Variants in KRT9 observed in about 807,000 individuals in gnomAD.
The protein encoded by KRT9 is keratin 9, also known as keratin, type I cytoskeletal 9.
In KRT9, 34 loss-of-function variants were observed where a neutral mutation model predicts 51.4. The ratio of observed to expected loss-of-function variants is 0.66; its 90% CI spans 0.50 to 0.88. The LOEUF (loss-of-function observed/expected upper bound fraction) is 0.88, where lower values mean the gene tolerates loss of function less well. KRT9 is among the 40% of genes least tolerant of loss of function. The pLI is 0.00. For synonymous variants in KRT9, 292 were observed against 289.7 expected (o/e 1.01, Z -0.08); for missense variants, 753 against 790.3 (o/e 0.95, Z 0.57).
chr17:41,567,726 A>T lies in KRT9; in HGVS notation c.1419T>A (p.Ile473=). Residue 473 remains isoleucine, a synonymous_variant, in exon 7 of 8, where the codon ATT becomes ATA. Transcript: ENST00000246662. ...EDFESSGAGK[I]GLGGRGGSGG... is the part of the protein sequence containing the mutation. ...CACTTCCTCCTCGACCTCCAAGGCC[A>T]ATTTTTCCAGCTCCGGAGGATTCAC... 1 of 1,614,216 alleles carries T rather than the reference A, an allele frequency of 6.2e-7. No homozygotes were observed. Among genetic ancestry groups the T allele is most frequent in the Non-Finnish European group, 8.5e-7 (1 of 1,180,042 alleles).
intron 3 of KRT9, 38 bp from the exon 4 acceptor site, chr17:41,569,625 G>T: frequency 1.9e-6 from 3 of 1,610,956 alleles, no homozygotes; most frequent in Non-Finnish European, 2.5e-6. Flanking sequence ...CACGGATAAA[G>T]TCCTCTGCAC....
chr17:41,567,787 G>C, intron 6 of KRT9, 37 bp from the exon 7 acceptor site: 2 of 1,613,370 alleles, frequency 1.2e-6, no homozygotes, highest in Non-Finnish European at 1.7e-6. Flanking sequence ...TAAAATGAGC[G>C]GCCCCCATAC....
rs757614483 is a variant in KRT9 at position 41,570,173 on chromosome 17, G to A, written c.690C>T (p.Asp230=). Residue 230 remains aspartate, a synonymous_variant, in exon 2 of 8, where the codon GAC becomes GAT. Transcript: ENST00000246662. The part of the protein sequence containing the change: ...VGNNKTLLDI[D]NTRMTLDDFR... ...AGTCATCCAGTGTCATGCGAGTGTT[G>A]TCAATGTCCAGGAGAGTTTTGTTGT... is the stretch of plus-strand genomic sequence containing the variant. 1.2e-6 allele frequency: 2 copies of A among 1,614,126 alleles called. No individual in the cohort carries two copies. Among genetic ancestry groups the A allele is most frequent in the Admixed American group, 3.3e-5 (2 of 60,028 alleles).
At chr17:41,566,972 C>T (rs1399303427) in intron 7 of KRT9, among the ~76,000 whole-genome samples, 1 of 152,162 alleles carries the variant, frequency 6.6e-6, no homozygotes, top group Non-Finnish European at 1.5e-5. Context: ...TAGCGTGTGT[C>T]ATGATAATGC....
In KRT9 at chr17:41,571,638, A is replaced by T; in HGVS notation, c.355T>A (p.Ser119Thr). ...TAGCCACCACCAAAGCCACCTCCAG[A>T]ACCACCACCAAAGCCACCTCCAAAA... Reference protein sequence around the residue: ...GGFGGGFGGGSGGGFGGGYGS... With the variant: ...GGFGGGFGGGTGGGFGGGYGS... Residue 119 changes from serine (S) to threonine (T), a missense_variant, in exon 1 of 8, where the codon TCT becomes ACT. Ser to Thr is a moderately conservative substitution (Grantham distance 58, BLOSUM62 1). Coordinates refer to ENST00000246662, the MANE Select transcript of KRT9 (RefSeq NM_000226.4). The T allele has an allele frequency of 6.2e-7, 1 of 1,604,540 alleles. No individual in the cohort carries two copies. The highest frequency in any genetic ancestry group is 8.5e-7 in the Non-Finnish European group (1 of 1,175,298).
intron 7 of KRT9, 148 bp downstream of exon 7, chr17:41,567,085 C>T: frequency 1.5e-6 from 2 of 1,334,876 alleles, no homozygotes; most frequent in South Asian, 1.4e-5. Flanking sequence ...AATTCAGAAC[C>T]AAGGGTAGGT....
Position 41,571,933 on chromosome 17 carries a change from G to C in KRT9, c.60C>G (p.Gly20=), listed in dbSNP as rs765454147. ...TTATGCTGCCCCCGCTGCCCAGGCCGCCCCCGCCACCCCCGCCGCTGCGGC... is the reference window on the plus strand; with the variant it reads ...TTATGCTGCCCCCGCTGCCCAGGCCCCCCCCGCCACCCCCGCCGCTGCGGC... ...YLSRSGGGGG[G]GLGSGGSIRS... is the part of the protein sequence containing the mutation. The change falls in exon 1 of 8, where the codon GGC becomes GGG. Residue 20 remains glycine, a synonymous_variant. Coordinates refer to ENST00000246662, the MANE Select transcript of KRT9 (RefSeq NM_000226.4). The C allele has an allele frequency of 6.3e-7, 1 of 1,576,878 alleles. No homozygotes were observed. Among genetic ancestry groups the C allele is most frequent in the Non-Finnish European group, 8.6e-7 (1 of 1,162,002 alleles).
chr17:41,569,753 G>T, intron 3 of KRT9, 106 bp downstream of exon 3: 2 of 1,516,172 alleles, frequency 1.3e-6, no homozygotes, highest in Non-Finnish European at 9.1e-7. Flanking sequence ...GTGTCCTCAA[G>T]AGCAAAGGAG....
At chr17:41,568,017 C>T (rs1906936059) in intron 6 of KRT9, 145 bp downstream of exon 6, 3 of 941,006 alleles carry the variant, frequency 3.2e-6, no homozygotes, top group Non-Finnish European at 4.7e-6. Flanking sequence ...CACTGAGGTC[C>T]CCCCGGCCCC....
At chr17:41,568,717 A>G in intron 4 of KRT9, 84 bp from the exon 5 acceptor site, 1 of 1,563,044 alleles carries the variant, frequency 6.4e-7, no homozygotes, top group Non-Finnish European at 8.8e-7. Context: ...CAGGATCTTC[A>G]CCTCCAGGGC....
Position 41,571,944 on chromosome 17 carries a change from C to T in KRT9, c.49G>A (p.Gly17Ser), listed in dbSNP as rs1907106036. 1.3e-6 allele frequency: 2 copies of T among 1,580,836 alleles called. No individual in the cohort carries two copies. The highest frequency in any genetic ancestry group is 1.7e-6 in the Non-Finnish European group (2 of 1,163,906). ...SSSYLSRSGG[G>S]GGGGLGSGGS... Reference sequence around the variant, plus strand: ...CCGCTGCCCAGGCCGCCCCCGCCACCCCCGCCGCTGCGGCTCAAGTAGGAC... The same window carrying T: ...CCGCTGCCCAGGCCGCCCCCGCCACTCCCGCCGCTGCGGCTCAAGTAGGAC... The change falls in exon 1 of 8, where the codon GGT becomes AGT. Residue 17 changes from glycine (G) to serine (S), a missense_variant. Around this residue, in one of 3 missense-constraint regions of KRT9, gnomAD observed 241 missense variants for 210.3 expected, o/e 1.15. Coordinates refer to ENST00000246662, the MANE Select transcript of KRT9 (RefSeq NM_000226.4).
At chr17:41,568,084 G>A (rs560183814) in intron 6 of KRT9, 78 bp downstream of exon 6, 1 of 1,276,586 alleles carries the variant, frequency 7.8e-7, no homozygotes, top group South Asian at 1.2e-5. Context: ...TCCCCCAGCT[G>A]CCTCTATCCA....
chr17:41,569,813 T>G (rs1567732318), intron 3 of KRT9, 46 bp downstream of exon 3: 1 of 1,611,616 alleles, frequency 6.2e-7, no homozygotes, highest in Non-Finnish European at 8.5e-7. Flanking sequence ...TCTCTGCATT[T>G]CTGCTCCTCC....
At chr17:41,570,451 G>A (rs1018680604) in intron 1 of KRT9, among the ~76,000 whole-genome samples, 1 of 152,164 alleles carries the variant, frequency 6.6e-6, no homozygotes, top group African/African-American at 2.4e-5. Flanking sequence ...TACTGCAAAG[G>A]GCATTGTAGG....
Position 41,568,507 on chromosome 17 carries a change from C to T in KRT9, c.1170+1G>A, listed in dbSNP as rs1177731501. The T allele has an allele frequency of 5.0e-6, 8 of 1,614,078 alleles. No individual in the cohort carries two copies. Among genetic ancestry groups the T allele is most frequent in the Non-Finnish European group, 6.8e-6 (8 of 1,180,044 alleles). On this transcript the variant is annotated splice_donor_variant, in intron 5 of 7. Coordinates refer to ENST00000246662, the MANE Select transcript of KRT9 (RefSeq NM_000226.4). LOFTEE classifies it high-confidence loss of function. ...AAAGGGTCTATAGCAGAACTACCAA[C>T]CTTGCTGAGCTGAGACTGCAGCTCA...
chr17:41,567,173 C>CAA (rs11313278), intron 7 of KRT9, 60 bp downstream of exon 7: 2,460 of 1,432,080 alleles, frequency 1.7e-3, no homozygotes, highest in Middle Eastern at 4.3e-3. Flanking sequence ...CAAAAATACT[C>CAA]AAAAAAAAAA....
chr17:41,569,409 C>T lies in KRT9; in HGVS notation c.1044+17G>A. On this transcript the variant is annotated intron_variant, in intron 4 of 7. Coordinates refer to ENST00000246662, the MANE Select transcript of KRT9 (RefSeq NM_000226.4). The stretch of plus-strand genomic sequence containing the variant: ...GATGGAGGGGAGGAGGATGAATGGG[C>T]AGCCCACTCTGCTCACCTGAGTCTC... 1 of 1,612,336 alleles carries T rather than the reference C, an allele frequency of 6.2e-7. No individual in the cohort carries two copies. Among genetic ancestry groups the T allele is most frequent in the Non-Finnish European group, 8.5e-7 (1 of 1,179,098 alleles).
chr17:41,570,063 T>A (rs758965678), intron 2 of KRT9, 48 bp from the exon 3 acceptor site: 1 of 1,613,514 alleles, frequency 6.2e-7, no homozygotes. Flanking sequence ...AACCAGGCCC[T>A]ACCAGGACCT....
chr17:41,570,157 G>A lies in KRT9; in HGVS notation c.706C>T (p.Leu236=), dbSNP rs1907031457. The change falls in exon 2 of 8, where the codon CTG becomes TTG. Residue 236 remains leucine (L), a synonymous_variant. Transcript: ENST00000246662. Reference sequence around the variant, plus strand: ...ACTCACTTTATCCTGAAGTCATCCAGTGTCATGCGAGTGTTGTCAATGTCC... The same window carrying A: ...ACTCACTTTATCCTGAAGTCATCCAATGTCATGCGAGTGTTGTCAATGTCC... ...LLDIDNTRMT[L]DDFRIKFEME... is the part of the protein sequence containing the mutation. The A allele has an allele frequency of 6.2e-7, 1 of 1,614,156 alleles. No homozygotes were observed. Among genetic ancestry groups the A allele is most frequent in the Non-Finnish European group, 8.5e-7 (1 of 1,180,006 alleles).
Sources: allele counts gnomAD v4.1 joint callset (sites outside exome capture counted in the v4.1 genomes callset), GRCh38; gene constraint gnomAD v4.1.1; regional missense constraint gnomAD v4.1.1; transcripts MANE v1.5; gene names NCBI Gene and HGNC (gene_info 2026-07-23, HGNC 2026-07-21).